Variants in HOMER2 observed in about 807,000 individuals in gnomAD.
HOMER2 encodes the protein homer scaffold protein 2.
A neutral mutation model predicts 47.0 loss-of-function variants in HOMER2; 27 were observed. The ratio of observed to expected loss-of-function variants is 0.57; its 90% CI spans 0.42 to 0.79. HOMER2 has a LOEUF of 0.79. Among genes scored for constraint, HOMER2 ranks in the 30% least tolerant of loss-of-function variants. HOMER2 has a pLI of 0.00. For synonymous variants in HOMER2, 161 were observed against 163.8 expected, an observed-to-expected ratio of 0.98 and a Z score of 0.13; for missense variants, 443 against 435.0, an observed-to-expected ratio of 1.02 and a Z score of -0.16.
intron 1 of HOMER2, among the ~76,000 whole-genome samples, chr15:82,932,128 G>C (rs1366569054): frequency 6.6e-6 from 1 of 152,204 alleles, no homozygotes; most frequent in African/African-American, 2.4e-5. Context: ...TATTATGGAA[G>C]ACAGCCCAAT....
chr15:82,858,820 C>CCA (rs944846838), intron 5 of HOMER2, among the ~76,000 whole-genome samples: 2 of 151,926 alleles, frequency 1.3e-5, no homozygotes, highest in African/African-American at 4.8e-5. Flanking sequence ...TCTCTATTTC[C>CCA]CACACACACA....
At chr15:82,968,375 T>C (rs1234607614) in intron 1 of HOMER2, among the ~76,000 whole-genome samples, 1 of 152,276 alleles carries the variant, frequency 6.6e-6, no homozygotes, top group East Asian at 1.9e-4. Context: ...CTGTATGGAT[T>C]TGCCTATTCT....
chr15:82,880,670 GAT>G (rs972752566), intron 2 of HOMER2, among the ~76,000 whole-genome samples: 2 of 152,218 alleles, frequency 1.3e-5, no homozygotes, highest in African/African-American at 4.8e-5. Context: ...GACACTGGAA[GAT>G]TGTGTTAGGG....
At chr15:82,965,435 T>C (rs746909879) in intron 1 of HOMER2, among the ~76,000 whole-genome samples, 4 of 152,228 alleles carry the variant, frequency 2.6e-5, no homozygotes, top group South Asian at 2.1e-4. Flanking sequence ...TCTGACCTAA[T>C]AGAAGTAAGC....
chr15:82,943,596 A>G (rs1425743551), intron 1 of HOMER2, among the ~76,000 whole-genome samples: 1 of 152,244 alleles, frequency 6.6e-6, no homozygotes, highest in Non-Finnish European at 1.5e-5. Context: ...AACTCCAATT[A>G]AAAGCTTTCC....
intron 1 of HOMER2, among the ~76,000 whole-genome samples, chr15:82,948,322 C>G (rs1247948940): frequency 6.9e-6 from 1 of 144,972 alleles, no homozygotes; most frequent in African/African-American, 2.6e-5. Context: ...ACCCGGGAGG[C>G]GGAGCTTGCA....
chr15:82,952,926 C>T (rs2054541459), upstream of HOMER2, among the ~76,000 whole-genome samples: 1 of 152,098 alleles, frequency 6.6e-6, no homozygotes, highest in South Asian at 2.1e-4. Context: ...TCCTCGGTGC[C>T]GGCCCCGCGT....
chr15:82,899,979 G>A (rs375697565), intron 1 of HOMER2, among the ~76,000 whole-genome samples: 2 of 152,126 alleles, frequency 1.3e-5, no homozygotes, highest in Non-Finnish European at 2.9e-5. Context: ...CCGAGATTAT[G>A]CAACCGCACT....
intron 1 of HOMER2, among the ~76,000 whole-genome samples, chr15:82,897,619 C>T (rs2052976782): frequency 6.6e-6 from 1 of 152,192 alleles, no homozygotes; most frequent in South Asian, 2.1e-4. Flanking sequence ...AGGATTATGA[C>T]ATCTGTCTCC....
intron 1 of HOMER2, among the ~76,000 whole-genome samples, chr15:82,897,874 G>T (rs1596333117): frequency 6.6e-6 from 1 of 152,284 alleles, no homozygotes; most frequent in South Asian, 2.1e-4. Flanking sequence ...CTTGATTACA[G>T]CCTTGCAAGA....
chr15:82,929,204 T>C (rs1187345980), intron 1 of HOMER2, among the ~76,000 whole-genome samples: 8 of 152,140 alleles, frequency 5.3e-5, no homozygotes, highest in African/African-American at 1.9e-4. Context: ...AATGCCTTCA[T>C]AGAAGTGATC....
At chr15:82,982,707 C>T (rs1300321403) in intron 1 of HOMER2, among the ~76,000 whole-genome samples, 1 of 152,148 alleles carries the variant, frequency 6.6e-6, no homozygotes, top group Non-Finnish European at 1.5e-5. Flanking sequence ...GTCCTCAATA[C>T]TTACAAATAA....
exon 2 of HOMER2, chr15:82,840,251 G>A (rs528090601): frequency 2.0e-5 from 3 of 152,040 alleles, no homozygotes; most frequent in South Asian, 2.1e-4. Flanking sequence ...AGAACAAAAC[G>A]AAAAGAATCA....
intron 1 of HOMER2, among the ~76,000 whole-genome samples, chr15:82,977,847 T>C (rs1430195389): frequency 6.6e-6 from 1 of 151,850 alleles, no homozygotes; most frequent in African/African-American, 2.4e-5. Flanking sequence ...AAAAAATTAG[T>C]CAAAAATAAA....
downstream of HOMER2, among the ~76,000 whole-genome samples, chr15:82,836,715 G>C (rs1426065961): frequency 6.6e-6 from 1 of 152,236 alleles, no homozygotes; most frequent in African/African-American, 2.4e-5. Flanking sequence ...AGTCAGACTT[G>C]TGTATTCATC....
intron 1 of HOMER2, among the ~76,000 whole-genome samples, chr15:82,915,143 GA>G (rs200310453): frequency 0.018 from 2,420 of 133,328 alleles, 35 homozygotes; most frequent in African/African-American, 0.044. Context: ...TTTTTTAATT[GA>G]AAAAAAAAAA....
chr15:82,937,429 A>G (rs931750389), intron 1 of HOMER2, among the ~76,000 whole-genome samples: 3 of 152,188 alleles, frequency 2.0e-5, no homozygotes, highest in Non-Finnish European at 1.5e-5. Context: ...CCTGAGTTCC[A>G]TGAGACACAC....
At chr15:82,854,504 C>G (rs1282549606) in intron 6 of HOMER2, 140 bp downstream of exon 6, 2 of 781,894 alleles carry the variant, frequency 2.6e-6, no homozygotes, top group Non-Finnish European at 4.0e-6. Context: ...AGGGACGTTC[C>G]CATGGGAGAG....
In HOMER2 at chr15:82,974,786, C is replaced by T. The variant is rs1329033557; in HGVS notation, n.82+11001G>A. 6.6e-5 allele frequency among the ~76,000 whole-genome samples: 10 copies of T among 151,926 alleles called. 1 individual carries two copies. The highest frequency in any genetic ancestry group is 4.6e-4 in the Admixed American group (7 of 15,236). ...CCGACATTTCTTAAAAGAAGACATACAGGCCAGGCGTGGTGGCTCATACCA... is the reference window on the plus strand; with the variant it reads ...CCGACATTTCTTAAAAGAAGACATATAGGCCAGGCGTGGTGGCTCATACCA... On this transcript the variant is annotated intron_variant and non_coding_transcript_variant, in intron 1 of 1. Transcript: ENST00000500334.
Sources: allele counts gnomAD v4.1 joint callset (sites outside exome capture counted in the v4.1 genomes callset), GRCh38; gene constraint gnomAD v4.1.1; transcripts MANE v1.5; gene names NCBI Gene and HGNC (gene_info 2026-07-23, HGNC 2026-07-21).